The following THSD7B variants were observed in gnomAD, a reference collection of about 807,000 sequenced individuals.
The protein encoded by THSD7B is thrombospondin type-1 domain-containing protein 7B.
A neutral mutation model predicts 213.6 loss-of-function variants in THSD7B; 138 were observed. The observed-to-expected ratio is 0.65, with a 90% confidence interval of 0.56 to 0.74. THSD7B has a LOEUF of 0.74. THSD7B is among the 30% of genes least tolerant of loss of function. The pLI is 0.00. For synonymous variants in THSD7B, 742 were observed against 687.0 expected (o/e 1.08, Z -1.25); for missense variants, 1,931 against 1,991.5 (o/e 0.97, Z 0.58).
chr2:137,305,695 A>C (rs1683724959), intron 12 of THSD7B, among the ~76,000 whole-genome samples: 1 of 151,488 alleles, frequency 6.6e-6, no homozygotes, highest in African/African-American at 2.4e-5. Context: ...AATCTCTTAG[A>C]CTCTCCCTTG....
intron 12 of THSD7B, among the ~76,000 whole-genome samples, chr2:137,308,311 T>C (rs1296781084): frequency 6.6e-6 from 1 of 152,094 alleles, no homozygotes; most frequent in Non-Finnish European, 1.5e-5. Flanking sequence ...GCTGTGAGCT[T>C]CCTGATCAGG....
intron 1 of THSD7B, among the ~76,000 whole-genome samples, chr2:136,857,576 C>A (rs193202292): frequency 6.6e-6 from 1 of 152,144 alleles, no homozygotes; most frequent in Admixed American, 6.6e-5. Context: ...GTAAAATTTG[C>A]TAATTTATAT....
At chr2:136,952,481 C>A (rs1176131068) in intron 2 of THSD7B, among the ~76,000 whole-genome samples, 1 of 117,264 alleles carries the variant, frequency 8.5e-6, no homozygotes. Context: ...AATCTATTTT[C>A]CTGGAAATAT....
At chr2:137,356,502 C>T (rs534369081) in intron 12 of THSD7B, among the ~76,000 whole-genome samples, 2 of 152,292 alleles carry the variant, frequency 1.3e-5, no homozygotes, top group South Asian at 2.1e-4. Flanking sequence ...TAATGAGTCT[C>T]ATATTCCAGT....
chr2:137,256,258 A>G (rs1340855572), intron 10 of THSD7B, among the ~76,000 whole-genome samples: 1 of 152,208 alleles, frequency 6.6e-6, no homozygotes, highest in Admixed American at 6.5e-5. Flanking sequence ...TGCTAGTTAC[A>G]TTAAGATGAA....
chr2:137,179,329 T>G (rs1410421281), intron 7 of THSD7B, among the ~76,000 whole-genome samples: 1 of 152,190 alleles, frequency 6.6e-6, no homozygotes, highest in Non-Finnish European at 1.5e-5. Context: ...TTTCACTTTC[T>G]GAAATGTATT....
At chr2:136,852,414 A>G (rs1683113820) in intron 1 of THSD7B, among the ~76,000 whole-genome samples, 2 of 152,304 alleles carry the variant, frequency 1.3e-5, no homozygotes, top group South Asian at 2.1e-4. Flanking sequence ...AATTCTGTCA[A>G]CAACCTGAAT....
intron 17 of THSD7B, among the ~76,000 whole-genome samples, chr2:137,592,435 C>A (rs528054537): frequency 4.0e-5 from 6 of 150,122 alleles, no homozygotes; most frequent in African/African-American, 1.5e-4. Context: ...GAATGTGGTA[C>A]CCTTTAATTT....
chr2:137,670,714 G>T (rs1412450991), intron 27 of THSD7B, among the ~76,000 whole-genome samples: 2 of 152,070 alleles, frequency 1.3e-5, no homozygotes, highest in Admixed American at 1.3e-4. Context: ...GAGGTCAGGA[G>T]ATCGAGACCA....
chr2:137,139,017 A>G (rs192855693), intron 5 of THSD7B, among the ~76,000 whole-genome samples: 6 of 152,288 alleles, frequency 3.9e-5, no homozygotes, highest in African/African-American at 1.2e-4. Flanking sequence ...TACTGAGCAC[A>G]TCTTCCATTA....
chr2:137,675,310 C>G (rs1683672531), intron 27 of THSD7B, among the ~76,000 whole-genome samples: 1 of 20,168 alleles, frequency 5.0e-5, no homozygotes, highest in South Asian at 3.5e-3. Context: ...AGATTAAAAT[C>G]TTTGTTTTTT....
At chr2:137,300,427 A>T (rs780902855) in intron 12 of THSD7B, among the ~76,000 whole-genome samples, 42 of 151,950 alleles carry the variant, frequency 2.8e-4, no homozygotes, top group Non-Finnish European at 4.6e-4. Context: ...TCTCCATTTT[A>T]TTTACTATTT....
intron 1 of THSD7B, among the ~76,000 whole-genome samples, chr2:136,807,647 C>T (rs1682308232): frequency 6.6e-6 from 1 of 151,756 alleles, no homozygotes; most frequent in South Asian, 2.1e-4. Flanking sequence ...GCTGGGACTA[C>T]AGGCGCCCGC....
intron 1 of THSD7B, among the ~76,000 whole-genome samples, chr2:136,848,126 G>T (rs984978240): frequency 6.6e-6 from 1 of 152,134 alleles, no homozygotes; most frequent in Admixed American, 6.5e-5. Context: ...TCTAATCCAG[G>T]TTTCTCATAC....
intron 17 of THSD7B, among the ~76,000 whole-genome samples, chr2:137,585,490 C>T (rs1161374061): frequency 2.0e-5 from 3 of 151,888 alleles, no homozygotes; most frequent in African/African-American, 7.3e-5. Flanking sequence ...CTATATATTT[C>T]CCTCTACACA....
chr2:137,454,956 T>A (rs1362781359), intron 15 of THSD7B, among the ~76,000 whole-genome samples: 1 of 152,058 alleles, frequency 6.6e-6, no homozygotes, highest in Non-Finnish European at 1.5e-5. Context: ...TCTTTACTAT[T>A]TGGGCATGAG....
chr2:137,568,439 T>G (rs1182896946), intron 16 of THSD7B, among the ~76,000 whole-genome samples: 1 of 152,168 alleles, frequency 6.6e-6, no homozygotes, highest in African/African-American at 2.4e-5. Flanking sequence ...AGCCTCTTAT[T>G]AAATCATATG....
At chr2:137,307,456 T>G (rs2104855071) in intron 12 of THSD7B, among the ~76,000 whole-genome samples, 1 of 152,210 alleles carries the variant, frequency 6.6e-6, no homozygotes, top group East Asian at 1.9e-4. Flanking sequence ...AGGCTGTGAA[T>G]CAATACGAAT....
chr2:136,997,356 G>A (rs144267220), intron 2 of THSD7B, among the ~76,000 whole-genome samples: 12 of 152,172 alleles, frequency 7.9e-5, no homozygotes, highest in Admixed American at 2.6e-4. Context: ...CAACATCTAC[G>A]TGCTGGGGAG....
Sources: allele counts gnomAD v4.1 joint callset (sites outside exome capture counted in the v4.1 genomes callset), GRCh38; gene constraint gnomAD v4.1.1; transcripts MANE v1.5; gene names NCBI Gene and HGNC (gene_info 2026-07-23, HGNC 2026-07-21).